Variants in RINT1 observed in about 807,000 individuals in gnomAD.
The protein encoded by RINT1 is RAD50-interacting protein 1.
RINT1 carries 75 observed loss-of-function variants against 97.7 expected under a neutral mutation model. The observed-to-expected ratio is 0.77, with a 90% CI of 0.64 to 0.93. The LOEUF (loss-of-function observed/expected upper bound fraction) is 0.93, where lower values mean the gene tolerates loss of function less well. Ranked by LOEUF, RINT1 falls within the 40% of genes least tolerant of loss-of-function variation. The pLI, the probability that RINT1 is intolerant of heterozygous loss-of-function variation, is 0.00. For missense variants in RINT1, 892 were observed against 925.2 expected (o/e 0.96, Z 0.47); for synonymous variants, 303 against 326.3 (o/e 0.93, Z 0.77).
In RINT1 at chr7:105,558,192, G is replaced by A. The variant is rs372296155; in HGVS notation, c.1671+2965G>A. Among the ~76,000 whole-genome samples the A allele has an allele frequency of 2.0e-5, 3 of 151,762 alleles. No homozygotes were observed. The East Asian group carries it at 5.8e-4, about 29-fold the overall frequency. ...TGCCTGTAATCCCAGCTACTCAGGA[G>A]GCTGAGGCAGAAGAATCGCTTGAAC... On this transcript the variant is annotated intron_variant, in intron 11 of 14. Coordinates refer to ENST00000257700, the MANE Select transcript of RINT1 (RefSeq NM_021930.6).
intron 10 of RINT1, among the ~76,000 whole-genome samples, chr7:105,553,599 A>G (rs1791032476): frequency 6.8e-6 from 1 of 148,074 alleles, no homozygotes; most frequent in Non-Finnish European, 1.5e-5. Flanking sequence ...CGGCTCTACT[A>G]GAGATGGGGT....
chr7:105,551,399 TAA>T (rs1210814102), intron 9 of RINT1, among the ~76,000 whole-genome samples, 169 bp from the exon 10 acceptor site: 2 of 152,126 alleles, frequency 1.3e-5, no homozygotes, highest in Non-Finnish European at 2.9e-5. Context: ...GGGATGGGAG[TAA>T]AGTATCCTGT....
chr7:105,567,362 C>A lies in RINT1; in HGVS notation c.*51C>A, dbSNP rs2133498895. ...GTTTTTGTTTCTAAGAAAGAGGAAG[C>A]CAATTGGATTTCAAGTTATATGATG... is the stretch of plus-strand genomic sequence containing the variant. On this transcript the variant is annotated 3_prime_UTR_variant, in exon 15 of 15. Transcript: ENST00000257700. 3 of 1,250,162 alleles carry A rather than the reference C, an allele frequency of 2.4e-6. No homozygotes were observed. The highest frequency in any genetic ancestry group is 3.4e-6 in the Non-Finnish European group (3 of 874,850). 77.4% of individuals were successfully genotyped at this position (1,250,162 alleles called of 1,614,324 possible).
chr7:105,551,641 G>A lies in RINT1; in HGVS notation c.1405G>A (p.Asp469Asn), dbSNP rs1295690900. ...AWVSQYKDIT[D>N]VDEMKVPDCA... The stretch of plus-strand genomic sequence containing the variant: ...GGTATCGCAATATAAGGATATCACT[G>A]ACGTGGATGAAATGAAAGTTCCAGA... Residue 469 changes from aspartate to asparagine, a missense_variant, in exon 10 of 15, where the codon GAC becomes AAC. By Grantham distance (23) the Asp-to-Asn change is conservative. Transcript: ENST00000257700. 6.2e-7 allele frequency: 1 copy of A among 1,612,332 alleles called. No homozygotes were observed. Among genetic ancestry groups the A allele is most frequent in the African/African-American group, 1.3e-5 (1 of 74,890 alleles).
At chr7:105,543,637 G>A (rs974852861) in intron 4 of RINT1, among the ~76,000 whole-genome samples, 1 of 152,090 alleles carries the variant, frequency 6.6e-6, no homozygotes, top group Non-Finnish European at 1.5e-5. Context: ...GAAAACCTGA[G>A]GGAGAAAAGT....
chr7:105,536,131 C>G (rs1292120588), intron 2 of RINT1, among the ~76,000 whole-genome samples: 1 of 151,844 alleles, frequency 6.6e-6, no homozygotes, highest in Non-Finnish European at 1.5e-5. Context: ...GAGTCTCTGT[C>G]GCCCAGGCTG....
chr7:105,555,376 C>T (rs1791137074), intron 11 of RINT1, 149 bp downstream of exon 11: 2 of 575,320 alleles, frequency 3.5e-6, no homozygotes, highest in Non-Finnish European at 2.9e-6. Flanking sequence ...TTAAAATACA[C>T]ATTTTTCTCA....
chr7:105,553,263 T>C (rs1186848444), intron 10 of RINT1, among the ~76,000 whole-genome samples: 1 of 151,994 alleles, frequency 6.6e-6, no homozygotes, highest in Non-Finnish European at 1.5e-5. Context: ...TTCGCTCTTG[T>C]CACCCAGGCT....
At chr7:105,541,066 C>A (rs1041442188) in intron 3 of RINT1, among the ~76,000 whole-genome samples, 1 of 151,542 alleles carries the variant, frequency 6.6e-6, no homozygotes, top group Non-Finnish European at 1.5e-5. Context: ...TCTTGAACTC[C>A]TGACCTTGTG....
intron 3 of RINT1, among the ~76,000 whole-genome samples, chr7:105,540,293 C>T (rs1408643236): frequency 1.3e-5 from 2 of 150,784 alleles, no homozygotes; most frequent in East Asian, 3.9e-4. Context: ...GACAGAGTCT[C>T]ACTCTGTCGC....
chr7:105,553,960 G>A (rs1485614959), intron 10 of RINT1, among the ~76,000 whole-genome samples: 13 of 137,202 alleles, frequency 9.5e-5, no homozygotes, highest in South Asian at 2.4e-4. Flanking sequence ...GTGCAGTGGC[G>A]CCATCTCAGC....
At position 105,550,249 on chromosome 7, in the gene RINT1, G is replaced by T; in HGVS notation, c.1108-12G>T. Reference sequence around the variant, plus strand: ...TTTTATTTACATACCTCATGTTTGTGTATTTTTTTAGCTTGAATTTTCTCG... The same window carrying T: ...TTTTATTTACATACCTCATGTTTGTTTATTTTTTTAGCTTGAATTTTCTCG... On this transcript the variant is annotated splice_polypyrimidine_tract_variant and intron_variant, in intron 8 of 14. Coordinates refer to ENST00000257700, the MANE Select transcript of RINT1 (RefSeq NM_021930.6). The T allele has an allele frequency of 1.2e-6, 2 of 1,612,938 alleles. No homozygotes were observed. Among genetic ancestry groups the T allele is most frequent in the Non-Finnish European group, 1.7e-6 (2 of 1,179,140 alleles).
At chr7:105,562,776 G>A (rs1319775661) in intron 11 of RINT1, among the ~76,000 whole-genome samples, 1 of 152,016 alleles carries the variant, frequency 6.6e-6, no homozygotes, top group Non-Finnish European at 1.5e-5. Flanking sequence ...GCTGGCACAC[G>A]CCCGTAATCC....
rs1460644531 is a variant in RINT1 at position 105,534,872 on chromosome 7, A to G, written c.89-1693A>G. 4.6e-5 allele frequency among the ~76,000 whole-genome samples: 7 copies of G among 152,226 alleles called. No individual in the cohort carries two copies. In the East Asian group the frequency reaches 1.2e-3, roughly 25 times the overall value. On this transcript the variant is annotated intron_variant, in intron 2 of 14. Coordinates refer to ENST00000257700, the MANE Select transcript of RINT1 (RefSeq NM_021930.6). ...ATATAAGTTAAGTAGAACAAAGGAA[A>G]TTTTGTTTGTTGGGGTGTAGGGGTG...
At chr7:105,563,540 C>T (rs1791536736) in intron 11 of RINT1, among the ~76,000 whole-genome samples, 193 bp from the exon 12 acceptor site, 1 of 152,044 alleles carries the variant, frequency 6.6e-6, no homozygotes, top group African/African-American at 2.4e-5. Flanking sequence ...CCATGTTGGC[C>T]AGGATGGTTT....
intron 5 of RINT1, 39 bp downstream of exon 5, chr7:105,547,122 G>C (rs376305656): frequency 1.3e-5 from 21 of 1,612,712 alleles, no homozygotes; most frequent in Non-Finnish European, 1.5e-5. Context: ...ATTGCTTTCC[G>C]ATGGGTATTT....
intron 11 of RINT1, among the ~76,000 whole-genome samples, chr7:105,558,281 G>A (rs1161675382): frequency 1.7e-5 from 2 of 114,344 alleles, no homozygotes; most frequent in East Asian, 2.4e-4. Flanking sequence ...GGCAGCAAGA[G>A]CAAAACAGTC....
chr7:105,557,998 G>C (rs377713570), intron 11 of RINT1, among the ~76,000 whole-genome samples: 14 of 152,174 alleles, frequency 9.2e-5, no homozygotes, highest in African/African-American at 3.4e-4. Context: ...AAGATAGAGG[G>C]TAATGATCAG....
rs566101392 is a variant in RINT1, at chr7:105,532,295, G to A, written c.-21G>A. On this transcript the variant is annotated 5_prime_UTR_variant, in exon 1 of 15. Coordinates refer to ENST00000257700, the MANE Select transcript of RINT1 (RefSeq NM_021930.6). ...GGCCACGCTGGCTGCGAATGGAGCC[G>A]AGGACTCGCGCGGAGGCGAGATGCT... 18 of 1,571,660 alleles carry A rather than the reference G, an allele frequency of 1.1e-5. No individual in the cohort carries two copies. The highest frequency in any genetic ancestry group is 1.4e-5 in the Non-Finnish European group (16 of 1,162,552).
Sources: allele counts gnomAD v4.1 joint callset (sites outside exome capture counted in the v4.1 genomes callset), GRCh38; gene constraint gnomAD v4.1.1; transcripts MANE v1.5; gene names NCBI Gene and HGNC (gene_info 2026-07-23, HGNC 2026-07-21).